Variants in GRID2 observed in about 807,000 individuals in gnomAD.
GRID2 encodes the protein glutamate ionotropic receptor delta type subunit 2, also known as glutamate receptor ionotropic, delta-2.
In GRID2, 33 loss-of-function variants were observed where a neutral mutation model predicts 114.8. The observed-to-expected ratio is 0.29, with a 90% CI of 0.22 to 0.38. GRID2 has a LOEUF of 0.38. Ranked by LOEUF, GRID2 falls within the 10% of genes least tolerant of loss-of-function variation. GRID2 has a pLI of 1.00. For missense variants in GRID2, 1,184 were observed against 1,257.7 expected, an observed-to-expected ratio of 0.94 and a Z score of 0.89; for synonymous variants, 505 against 449.9, an observed-to-expected ratio of 1.12 and a Z score of -1.55.
At chr4:92,979,204 T>A (rs529127313) in intron 2 of GRID2, among the ~76,000 whole-genome samples, 3 of 152,142 alleles carry the variant, frequency 2.0e-5, no homozygotes, top group African/African-American at 7.2e-5. Flanking sequence ...AATATGTCAT[T>A]ATTAATTGAA....
At chr4:92,317,266 A>T (rs1726038967) in intron 1 of GRID2, among the ~76,000 whole-genome samples, 2 of 152,238 alleles carry the variant, frequency 1.3e-5, no homozygotes, top group South Asian at 4.1e-4. Flanking sequence ...GACATTTGAC[A>T]TTTATGACTT....
chr4:92,366,257 G>C (rs1728862147), intron 1 of GRID2, among the ~76,000 whole-genome samples: 1 of 151,976 alleles, frequency 6.6e-6, no homozygotes, highest in African/African-American at 2.4e-5. Flanking sequence ...ATGTTTCTTA[G>C]TTTCCCATAT....
rs555487053 is a variant in GRID2, at chr4:92,978,372, A to G, written c.245-106623A>G. ...CTGTTTATTCTCTTTAAGAACCTCT[A>G]TAAGAGGAAGTTCATTATTCTTGTC... On this transcript the variant is annotated intron_variant, in intron 2 of 15. Coordinates refer to ENST00000282020, the MANE Select transcript of GRID2 (RefSeq NM_001510.4). 6.4e-4 allele frequency among the ~76,000 whole-genome samples: 98 copies of G among 152,276 alleles called. 1 individual carries two copies. The highest frequency in any genetic ancestry group is 2.3e-3 in the African/African-American group (95 of 41,548).
At chr4:92,756,037 A>G (rs1322988290) in intron 2 of GRID2, among the ~76,000 whole-genome samples, 1 of 152,050 alleles carries the variant, frequency 6.6e-6, no homozygotes, top group Non-Finnish European at 1.5e-5. Flanking sequence ...ACCCTACTCT[A>G]TGATCAAACA....
intron 2 of GRID2, among the ~76,000 whole-genome samples, chr4:92,957,226 A>C (rs1291989258): frequency 2.6e-5 from 4 of 152,118 alleles, no homozygotes; most frequent in African/African-American, 9.7e-5. Flanking sequence ...CGTTACCATC[A>C]AACCCAAGGT....
chr4:93,701,723 A>G (rs772183858), intron 14 of GRID2, among the ~76,000 whole-genome samples: 4 of 152,044 alleles, frequency 2.6e-5, no homozygotes, highest in Non-Finnish European at 5.9e-5. Flanking sequence ...GTGTGGTGGC[A>G]TATATCTGTA....
intron 2 of GRID2, among the ~76,000 whole-genome samples, chr4:92,861,175 A>T (rs1744506569): frequency 6.6e-6 from 1 of 152,062 alleles, no homozygotes; most frequent in African/African-American, 2.4e-5. Flanking sequence ...TGCTGGTAAC[A>T]AATTATCACA....
intron 1 of GRID2, among the ~76,000 whole-genome samples, chr4:92,370,350 A>G (rs143181673): frequency 6.2e-4 from 95 of 152,160 alleles, no homozygotes; most frequent in Admixed American, 1.4e-3. Flanking sequence ...AGAGAAAACA[A>G]TTTTGAAATT....
At chr4:93,651,713 T>C (rs6848888) in intron 14 of GRID2, among the ~76,000 whole-genome samples, 111,843 of 152,108 alleles carry the variant, frequency 0.74, 41,784 homozygotes, top group African/African-American at 0.87. Flanking sequence ...TAATATGTTT[T>C]AAGTTAACGT....
At chr4:93,042,609 TTC>T (rs35806940) in intron 2 of GRID2, among the ~76,000 whole-genome samples, 14 of 122,876 alleles carry the variant, frequency 1.1e-4, no homozygotes, top group South Asian at 2.7e-4. Flanking sequence ...GATGAATCTT[TTC>T]TCTCTCTCTC....
intron 4 of GRID2, among the ~76,000 whole-genome samples, chr4:93,136,075 C>G (rs564536665): frequency 6.6e-6 from 1 of 152,216 alleles, no homozygotes; most frequent in Admixed American, 6.5e-5. Context: ...AATTACTTTA[C>G]TATTATTATG....
intron 8 of GRID2, among the ~76,000 whole-genome samples, chr4:93,327,418 C>G (rs1385303685): frequency 6.6e-6 from 1 of 152,122 alleles, no homozygotes; most frequent in Non-Finnish European, 1.5e-5. Flanking sequence ...TTATCTTATT[C>G]TCTTTTCAGG....
At chr4:92,522,852 A>G (rs1465721198) in intron 1 of GRID2, among the ~76,000 whole-genome samples, 1 of 152,154 alleles carries the variant, frequency 6.6e-6, no homozygotes, top group East Asian at 1.9e-4. Context: ...GATGTTTACT[A>G]AAAAATCAAA....
At chr4:93,775,932 C>A (rs1734360605), downstream of GRID2, among the ~76,000 whole-genome samples, 1 of 152,188 alleles carries the variant, frequency 6.6e-6, no homozygotes, top group South Asian at 2.1e-4. Context: ...TGGTACTTTG[C>A]TTCATCAATT....
At chr4:92,667,911 T>A (rs201639573) in intron 2 of GRID2, among the ~76,000 whole-genome samples, 13 of 151,816 alleles carry the variant, frequency 8.6e-5, no homozygotes, top group Admixed American at 8.6e-4. Flanking sequence ...CAAGAATTAA[T>A]GTAGCCCTCT....
chr4:93,703,529 T>C (rs1727706291), intron 14 of GRID2, among the ~76,000 whole-genome samples: 1 of 151,988 alleles, frequency 6.6e-6, no homozygotes, highest in African/African-American at 2.4e-5. Flanking sequence ...AGTTTTAGAG[T>C]GCATGTGCAC....
At chr4:92,738,600 C>T (rs996188466) in intron 2 of GRID2, among the ~76,000 whole-genome samples, 1 of 152,000 alleles carries the variant, frequency 6.6e-6, no homozygotes, top group African/African-American at 2.4e-5. Context: ...CTTGAACAGA[C>T]TTTTTGCTTA....
At chr4:92,580,979 C>A (rs1161777731) in intron 1 of GRID2, among the ~76,000 whole-genome samples, 4 of 150,392 alleles carry the variant, frequency 2.7e-5, no homozygotes, top group South Asian at 2.1e-4. Context: ...CAAACCAATT[C>A]TTTTTGTTCT....
intron 2 of GRID2, among the ~76,000 whole-genome samples, chr4:92,705,960 A>C (rs1047388664): frequency 6.6e-6 from 1 of 152,106 alleles, no homozygotes; most frequent in Non-Finnish European, 1.5e-5. Flanking sequence ...CCTGAACTCC[A>C]GCATTCTCAT....
Sources: gnomAD v4.1 joint callset for allele counts (sites outside exome capture counted in the v4.1 genomes callset) on GRCh38, gnomAD v4.1.1 for gene constraint, MANE v1.5 for transcripts, NCBI Gene and HGNC (gene_info 2026-07-23, HGNC 2026-07-21) for gene names.